Variants in TBC1D5 observed in about 807,000 individuals in gnomAD.
The protein encoded by TBC1D5 is TBC1 domain family, member 5.
Under a neutral mutation model 100.3 loss-of-function variants are expected in TBC1D5, and 75 were observed. The ratio of observed to expected loss-of-function variants is 0.75; its 90% CI spans 0.62 to 0.91. The LOEUF (loss-of-function observed/expected upper bound fraction) is 0.91. Among genes scored for constraint, TBC1D5 ranks in the 40% least tolerant of loss-of-function variants. TBC1D5 has a pLI of 0.00. For synonymous variants in TBC1D5, 323 were observed against 325.6 expected (o/e 0.99, Z 0.09); for missense variants, 910 against 942.4 (o/e 0.97, Z 0.45).
chr3:17,708,220 A>T (rs1030186304), intron 1 of TBC1D5, among the ~76,000 whole-genome samples: 1 of 152,232 alleles, frequency 6.6e-6, no homozygotes, highest in Non-Finnish European at 1.5e-5. Flanking sequence ...TTCATAAATG[A>T]TACCATACTG....
intron 13 of TBC1D5, among the ~76,000 whole-genome samples, chr3:17,351,110 C>A (rs939164086): frequency 6.6e-6 from 1 of 152,054 alleles, no homozygotes; most frequent in Non-Finnish European, 1.5e-5. Flanking sequence ...TCAATAGAGT[C>A]AAAATTTCTA....
At chr3:17,555,051 A>C (rs1164890823) in intron 2 of TBC1D5, among the ~76,000 whole-genome samples, 2 of 151,870 alleles carry the variant, frequency 1.3e-5, no homozygotes, top group Admixed American at 1.3e-4. Context: ...GGGTTTCCCC[A>C]TGTTGGCCAG....
intron 1 of TBC1D5, among the ~76,000 whole-genome samples, chr3:17,704,273 G>A (rs1311258652): frequency 4.1e-5 from 6 of 145,044 alleles, no homozygotes; most frequent in East Asian, 2.1e-4. Context: ...CAAGGCAGAG[G>A]AATTTTTCTT....
At chr3:17,677,955 C>T (rs992259459) in intron 1 of TBC1D5, among the ~76,000 whole-genome samples, 4 of 152,060 alleles carry the variant, frequency 2.6e-5, no homozygotes, top group African/African-American at 9.7e-5. Context: ...AATGAGAACA[C>T]TTGGACACAG....
intron 14 of TBC1D5, among the ~76,000 whole-genome samples, chr3:17,304,104 C>T (rs1343906839): frequency 3.9e-5 from 6 of 152,134 alleles, no homozygotes; most frequent in African/African-American, 9.7e-5. Context: ...CAGCCTAGTG[C>T]TTTCTTCCTG....
chr3:17,308,872 T>G (rs1004893382), intron 13 of TBC1D5, among the ~76,000 whole-genome samples: 3 of 152,264 alleles, frequency 2.0e-5, no homozygotes, highest in African/African-American at 7.2e-5. Flanking sequence ...TATATAATTG[T>G]ACATAATAGT....
rs2095773069 is a variant in TBC1D5, at chr3:17,500,547, C to A, written c.97+7927G>T. Among the ~76,000 whole-genome samples, 3 of 149,410 alleles carry A rather than the reference C, an allele frequency of 2.0e-5. 1 individual carries two copies. The highest frequency in any genetic ancestry group is 4.4e-5 in the Non-Finnish European group (3 of 67,886). The stretch of plus-strand genomic sequence containing the variant: ...TAGTGGTTTCTTGAAAATGACTTAA[C>A]CCCTAATAGATAATCAATAGTCTTC... On this transcript the variant is annotated intron_variant, in intron 3 of 21. Coordinates refer to ENST00000253692, the Ensembl canonical transcript of TBC1D5.
At chr3:17,739,526 C>G (rs1007931501) in exon 1 of TBC1D5, 4 of 152,048 alleles carry the variant, frequency 2.6e-5, no homozygotes, top group Non-Finnish European at 5.9e-5. Flanking sequence ...GGAGGACAAG[C>G]CCAGGCAGGA....
At chr3:17,226,310 CTT>C (rs11311989) in intron 17 of TBC1D5, among the ~76,000 whole-genome samples, 322 of 137,702 alleles carry the variant, frequency 2.3e-3, no homozygotes, top group African/African-American at 3.7e-3. Flanking sequence ...CTCTACATAC[CTT>C]TTTTTTTTTT....
intron 4 of TBC1D5, among the ~76,000 whole-genome samples, chr3:17,417,438 G>A (rs540542198): frequency 6.8e-5 from 10 of 147,596 alleles, no homozygotes; most frequent in African/African-American, 1.6e-4. Context: ...GAGAATATGC[G>A]GTGTTTGGCT....
At chr3:17,186,999 T>TG (rs2069204242) in intron 18 of TBC1D5, among the ~76,000 whole-genome samples, 1 of 152,144 alleles carries the variant, frequency 6.6e-6, no homozygotes, top group East Asian at 1.9e-4. Flanking sequence ...TAGACAAGGA[T>TG]GGGGCATTTC....
At chr3:17,678,117 T>C (rs552547588) in intron 1 of TBC1D5, among the ~76,000 whole-genome samples, 2 of 152,344 alleles carry the variant, frequency 1.3e-5, no homozygotes, top group East Asian at 1.9e-4. Flanking sequence ...TGTGCACATG[T>C]ACCCTAGAAC....
chr3:17,677,236 T>A (rs1049795809), intron 1 of TBC1D5, among the ~76,000 whole-genome samples: 5 of 151,924 alleles, frequency 3.3e-5, no homozygotes, highest in East Asian at 3.9e-4. Context: ...TGGGAAAAAA[T>A]TTTTGCAATC....
chr3:17,586,504 A>G (rs1280546360), intron 2 of TBC1D5: 3 of 152,138 alleles, frequency 2.0e-5, no homozygotes, highest in African/African-American at 4.8e-5. Flanking sequence ...GAATCAAGAA[A>G]CAGAGACAAA....
chr3:17,182,357 C>T (rs1460281026), intron 19 of TBC1D5, among the ~76,000 whole-genome samples: 2 of 152,192 alleles, frequency 1.3e-5, no homozygotes, highest in Non-Finnish European at 2.9e-5. Context: ...TTGTGGTTAG[C>T]TGAAAATTCA....
intron 12 of TBC1D5, among the ~76,000 whole-genome samples, chr3:17,373,746 T>C (rs1040005953): frequency 9.2e-5 from 14 of 152,052 alleles, no homozygotes; most frequent in African/African-American, 3.1e-4. Flanking sequence ...AAGGAGTCAG[T>C]CACAAATGGC....
chr3:17,167,837 A>G lies in TBC1D5; in HGVS notation c.1853-9T>C, dbSNP rs1267301824. On this transcript the variant is annotated splice_polypyrimidine_tract_variant and intron_variant, in intron 19 of 21. Transcript: ENST00000253692. ...CACATCTTGAATATTTACTGAAAAT[A>G]GAAGAATGACATTTTATAACCAATG... 6 of 1,564,674 alleles carry G rather than the reference A, an allele frequency of 3.8e-6. No individual in the cohort carries two copies. Among genetic ancestry groups the G allele is most frequent in the Non-Finnish European group, 5.3e-6 (6 of 1,140,146 alleles).
At chr3:17,554,425 T>C (rs758288345) in intron 2 of TBC1D5, among the ~76,000 whole-genome samples, 1 of 152,202 alleles carries the variant, frequency 6.6e-6, no homozygotes, top group Non-Finnish European at 1.5e-5. Context: ...AGCTGGTACA[T>C]GTCCTCAAAG....
intron 13 of TBC1D5, among the ~76,000 whole-genome samples, chr3:17,309,878 T>C (rs1156906316): frequency 6.6e-6 from 1 of 152,046 alleles, no homozygotes; most frequent in African/African-American, 2.4e-5. Flanking sequence ...ATGTTTGCAC[T>C]CTTAAACGAT....
Sources: gnomAD v4.1 joint callset for allele counts (sites outside exome capture counted in the v4.1 genomes callset) on GRCh38, gnomAD v4.1.1 for gene constraint, MANE v1.5 for transcripts, NCBI Gene and HGNC (gene_info 2026-07-23, HGNC 2026-07-21) for gene names.